RPS6KA2: variants seen among roughly 807,000 people sequenced by gnomAD.
The protein encoded by RPS6KA2 is ribosomal protein S6 kinase alpha-2.
In RPS6KA2, 42 loss-of-function variants were observed where a neutral mutation model predicts 91.8. The observed-to-expected ratio is 0.46, with a 90% confidence interval of 0.36 to 0.59. The LOEUF is 0.59. Among genes scored for constraint, RPS6KA2 ranks in the 20% least tolerant of loss-of-function variants. The probability of loss-of-function intolerance (pLI) is 0.00; values close to 1 mark genes in which losing one functional copy is unlikely to be tolerated. For synonymous variants in RPS6KA2, 414 were observed against 393.6 expected, an observed-to-expected ratio of 1.05 and a Z score of -0.61; for missense variants, 798 against 978.5, an observed-to-expected ratio of 0.82 and a Z score of 2.46.
At chr6:166,859,556 C>T (rs1780996276) in intron 1 of RPS6KA2, among the ~76,000 whole-genome samples, 1 of 152,208 alleles carries the variant, frequency 6.6e-6, no homozygotes, top group East Asian at 1.9e-4. Flanking sequence ...CTTGTCAACA[C>T]ACCCATTTAT....
chr6:166,638,377 T>C (rs1002272563), intron 2 of RPS6KA2, among the ~76,000 whole-genome samples: 3 of 151,932 alleles, frequency 2.0e-5, no homozygotes, highest in Admixed American at 6.5e-5. Flanking sequence ...CTTAAGGAGA[T>C]AAAAGCAAGA....
intron 2 of RPS6KA2, among the ~76,000 whole-genome samples, chr6:166,668,960 G>A (rs554801295): frequency 2.7e-4 from 41 of 149,466 alleles, no homozygotes; most frequent in South Asian, 6.4e-4. Flanking sequence ...TGATCACCAC[G>A]GCTCCCTGTA....
At chr6:166,657,398 C>A (rs371400689) in intron 2 of RPS6KA2, among the ~76,000 whole-genome samples, 38 of 151,580 alleles carry the variant, frequency 2.5e-4, no homozygotes, top group African/African-American at 8.9e-4. Flanking sequence ...GTCTTATTTT[C>A]AACGACAAAA....
intron 2 of RPS6KA2, among the ~76,000 whole-genome samples, chr6:166,796,698 C>G (rs2128616300): frequency 6.6e-6 from 1 of 152,378 alleles, no homozygotes. Flanking sequence ...TTCTACAGAC[C>G]CATATTCAAA....
At chr6:166,449,428 C>T (rs1017872280) in intron 13 of RPS6KA2, among the ~76,000 whole-genome samples, 12 of 152,148 alleles carry the variant, frequency 7.9e-5, no homozygotes, top group African/African-American at 2.9e-4. Context: ...ATTCAACTTA[C>T]CCGGATTTCA....
intron 1 of RPS6KA2, among the ~76,000 whole-genome samples, chr6:166,624,444 T>G (rs1164813065): frequency 1.3e-5 from 2 of 152,210 alleles, no homozygotes; most frequent in African/African-American, 4.8e-5. Context: ...GATGAGTGCT[T>G]CTTGGCCTAT....
At chr6:166,453,197 TCACACACACACA>T (rs149702729) in intron 12 of RPS6KA2, among the ~76,000 whole-genome samples, 3 of 141,148 alleles carry the variant, frequency 2.1e-5, no homozygotes, top group Non-Finnish European at 4.7e-5. Context: ...TGAGACTCCA[TCACACACACACA>T]CACACACACA....
rs1392957816 is a variant in RPS6KA2, at chr6:166,557,284, A to G, written c.100-18500T>C. The stretch of plus-strand genomic sequence containing the variant: ...GGGGTGAGGACCGTGGGCGCGGAGC[A>G]TGCTTCCCAAGAACAGCCCGCAGGG... On this transcript the variant is annotated intron_variant, in intron 1 of 20. Transcript: ENST00000265678. The surrounding 1 kb of genome is among the most constrained non-coding windows in gnomAD (Gnocchi z 4.8). Among the ~76,000 whole-genome samples the G allele has an allele frequency of 6.6e-6, 1 of 152,222 alleles. No homozygotes were observed. Among genetic ancestry groups the G allele is most frequent in the Non-Finnish European group, 1.5e-5 (1 of 68,040 alleles).
At chr6:166,622,418 T>C (rs1345740904) in intron 1 of RPS6KA2, among the ~76,000 whole-genome samples, 2 of 152,164 alleles carry the variant, frequency 1.3e-5, no homozygotes, top group Non-Finnish European at 2.9e-5. Context: ...CTATTTATTG[T>C]GGTTTTTTTT....
intron 12 of RPS6KA2, among the ~76,000 whole-genome samples, chr6:166,453,702 A>G (rs1166484181): frequency 6.6e-6 from 1 of 152,268 alleles, no homozygotes; most frequent in Non-Finnish European, 1.5e-5. Context: ...ACTGCTGGGC[A>G]TTGCCCAAAG....
At chr6:166,465,269 A>C (rs534313887) in intron 11 of RPS6KA2, 1 of 152,354 alleles carries the variant, frequency 6.6e-6, no homozygotes, top group South Asian at 2.1e-4. Context: ...CGAAAAGCAG[A>C]ATGGGCACAT....
intron 1 of RPS6KA2, among the ~76,000 whole-genome samples, chr6:166,552,016 T>C (rs917493375): frequency 6.6e-6 from 1 of 152,142 alleles, no homozygotes; most frequent in Non-Finnish European, 1.5e-5. Context: ...AGCGTTTCCA[T>C]TGTCATTCGC....
At chr6:166,476,595 C>T (rs2128467798) in intron 10 of RPS6KA2, among the ~76,000 whole-genome samples, 2 of 152,264 alleles carry the variant, frequency 1.3e-5, no homozygotes, top group South Asian at 4.1e-4. Context: ...AGGCTTCCCG[C>T]TGGTGGGGGC....
rs534677597 is a variant in RPS6KA2 at position 166,635,338 on chromosome 6, T to C, written c.124-96554A>G. ...ACTCCTGCCCTGACGGGCACTGCAGTCTCTGGGGTAGCACAGACAAGCCAG... is the reference window on the plus strand; with the variant it reads ...ACTCCTGCCCTGACGGGCACTGCAGCCTCTGGGGTAGCACAGACAAGCCAG... On this transcript the variant is annotated intron_variant, in intron 2 of 21. Transcript: ENST00000503859. The surrounding 1 kb of genome is among the most constrained non-coding windows in gnomAD (Gnocchi z 4.8). 1.3e-5 allele frequency among the ~76,000 whole-genome samples: 2 copies of C among 152,250 alleles called. No homozygotes were observed. Among genetic ancestry groups the C allele is most frequent in the South Asian group, 4.1e-4 (2 of 4,826 alleles).
At chr6:166,815,193 T>C (rs1224765844) in intron 2 of RPS6KA2, among the ~76,000 whole-genome samples, 1 of 152,226 alleles carries the variant, frequency 6.6e-6, no homozygotes, top group Non-Finnish European at 1.5e-5. Context: ...CCATGAAACA[T>C]GAATTTAAGA....
chr6:166,571,458 C>G (rs1405239331), intron 1 of RPS6KA2, among the ~76,000 whole-genome samples: 1 of 152,194 alleles, frequency 6.6e-6, no homozygotes, highest in African/African-American at 2.4e-5. Flanking sequence ...AATGAAAAAG[C>G]CAATGACAAA....
chr6:166,715,912 C>T (rs1789996550), intron 2 of RPS6KA2, among the ~76,000 whole-genome samples: 1 of 151,900 alleles, frequency 6.6e-6, no homozygotes, highest in Non-Finnish European at 1.5e-5. Flanking sequence ...GAGACGCATG[C>T]CTGTAATCCC....
intron 2 of RPS6KA2, among the ~76,000 whole-genome samples, chr6:166,802,313 A>C (rs1453344172): frequency 1.3e-5 from 2 of 152,146 alleles, no homozygotes; most frequent in African/African-American, 4.8e-5. Context: ...GACATTAGGA[A>C]AGAGTAAAGA....
intron 3 of RPS6KA2, among the ~76,000 whole-genome samples, chr6:166,522,747 G>A (rs1213192556): frequency 6.6e-6 from 1 of 152,158 alleles, no homozygotes; most frequent in Non-Finnish European, 1.5e-5. Flanking sequence ...TTAATTCATA[G>A]TAAAAAACGG....
Sources: allele counts gnomAD v4.1 joint callset (sites outside exome capture counted in the v4.1 genomes callset), GRCh38; gene constraint gnomAD v4.1.1; non-coding constraint Gnocchi (gnomAD v3.1); transcripts MANE v1.5; gene names NCBI Gene and HGNC (gene_info 2026-07-23, HGNC 2026-07-21).